SRGAP1: variants seen among roughly 807,000 people sequenced by gnomAD.
The protein encoded by SRGAP1 is SLIT-ROBO Rho GTPase activating protein 1, also known as SLIT-ROBO Rho GTPase-activating protein 1.
A neutral mutation model predicts 121.9 loss-of-function variants in SRGAP1; 43 were observed. The ratio of observed to expected loss-of-function variants is 0.35; its 90% CI spans 0.28 to 0.46. The LOEUF is 0.46. SRGAP1 is among the 20% of genes least tolerant of loss of function. The probability of loss-of-function intolerance (pLI) is 1.00; values close to 1 mark genes in which losing one functional copy is unlikely to be tolerated. For synonymous variants in SRGAP1, 447 were observed against 485.4 expected, an observed-to-expected ratio of 0.92 and a Z score of 1.04; for missense variants, 1,102 against 1,350.9, an observed-to-expected ratio of 0.82 and a Z score of 2.89.
At chr12:63,989,676 G>A (rs1442316320) in intron 2 of SRGAP1, among the ~76,000 whole-genome samples, 3 of 152,222 alleles carry the variant, frequency 2.0e-5, no homozygotes, top group Non-Finnish European at 4.4e-5. Flanking sequence ...TTTCACCAGT[G>A]TTCATGGTCC....
rs1365845033 is a variant in SRGAP1 at position 64,160,772 on chromosome 12, A to C, written c.*18100A>C. On this transcript the variant is annotated 3_prime_UTR_variant, in exon 22 of 22. Coordinates refer to ENST00000355086, the MANE Select transcript of SRGAP1 (RefSeq NM_020762.4). ...GGAAAGTGTAAGAATGAGGTGGCAG[A>C]AAGAGGTAGAAACAGCATGAAAAGG... The C allele has an allele frequency of 6.6e-6, 1 of 152,210 alleles. No homozygotes were observed. Among genetic ancestry groups the C allele is most frequent in the Non-Finnish European group, 1.5e-5 (1 of 68,054 alleles). The allele number at this position is 152,210 out of a possible 1,614,324, so 9.4% of individuals were successfully genotyped here.
chr12:64,006,558 G>C (rs2034088765), intron 3 of SRGAP1, among the ~76,000 whole-genome samples: 1 of 152,204 alleles, frequency 6.6e-6, no homozygotes, highest in Non-Finnish European at 1.5e-5. Context: ...GAGTTTTAAA[G>C]CAGATATATG....
intron 1 of SRGAP1, among the ~76,000 whole-genome samples, chr12:63,944,318 AT>A (rs2031967922): frequency 6.6e-6 from 1 of 152,166 alleles, no homozygotes; most frequent in Non-Finnish European, 1.5e-5. Context: ...AGAAATTTAT[AT>A]CTCACCGTTC....
At chr12:63,916,002 G>A (rs1323067699) in intron 1 of SRGAP1, among the ~76,000 whole-genome samples, 1 of 150,388 alleles carries the variant, frequency 6.6e-6, no homozygotes, top group East Asian at 2.0e-4. Context: ...GAAGCAAAAT[G>A]CTCAGAAATG....
At chr12:63,894,472 T>TC (rs1216045791) in intron 1 of SRGAP1, among the ~76,000 whole-genome samples, 2 of 129,536 alleles carry the variant, frequency 1.5e-5, no homozygotes, top group African/African-American at 5.3e-5. Context: ...GCTCACTCTC[T>TC]TTTTTTTTTT....
intron 1 of SRGAP1, among the ~76,000 whole-genome samples, chr12:63,923,870 T>G (rs186358122): frequency 6.6e-6 from 1 of 152,346 alleles, no homozygotes; most frequent in Middle Eastern, 3.4e-3. Flanking sequence ...CAGCTGGGCA[T>G]GGTGGCTCAC....
chr12:64,087,709 C>T (rs1179531865), intron 11 of SRGAP1, among the ~76,000 whole-genome samples: 1 of 151,930 alleles, frequency 6.6e-6, no homozygotes, highest in African/African-American at 2.4e-5. Context: ...ACACTCCAGC[C>T]TGGGCAAGAG....
chr12:63,946,335 A>T (rs933791449), intron 1 of SRGAP1, among the ~76,000 whole-genome samples: 1 of 149,592 alleles, frequency 6.7e-6, no homozygotes, highest in Admixed American at 6.7e-5. Context: ...AATTGACCAT[A>T]AACTTCATAT....
At chr12:63,949,150 T>TATGTATTTTCCATATATATACATTCATAC (rs1418311531) in intron 1 of SRGAP1, among the ~76,000 whole-genome samples, 1 of 145,242 alleles carries the variant, frequency 6.9e-6, no homozygotes, top group Non-Finnish European at 1.5e-5. Context: ...TACATTCATA[T>TATGTATTTTCCATATATATACATTCATAC]ATGTATTTTC....
intron 3 of SRGAP1, among the ~76,000 whole-genome samples, chr12:64,003,019 T>G (rs2033949396): frequency 8.0e-6 from 1 of 124,652 alleles, no homozygotes; most frequent in African/African-American, 3.2e-5. Context: ...GGTGTGTATG[T>G]GAGTGAGAGA....
In SRGAP1 at chr12:64,037,627, G is replaced by A. The variant is rs1301064473; in HGVS notation, c.490-5163G>A. Among the ~76,000 whole-genome samples, 4 of 152,216 alleles carry A rather than the reference G, an allele frequency of 2.6e-5. No individual in the cohort carries two copies. The East Asian group carries it at 7.7e-4, about 29-fold the overall frequency. ...TGTTACCCAACCATCTACTTTCCAA[G>A]TTCTTCCCTGGACCCCTTCTCTGCC... On this transcript the variant is annotated intron_variant, in intron 4 of 21. Transcript: ENST00000355086.
rs2037085642 is a variant in SRGAP1, at chr12:64,148,551, C to CT, written c.*5880dup. 1 of 152,000 alleles carries CT rather than the reference C, an allele frequency of 6.6e-6. No individual in the cohort carries two copies. Among genetic ancestry groups the CT allele is most frequent in the Non-Finnish European group, 1.5e-5 (1 of 68,022 alleles). The allele number at this position is 152,000 out of a possible 1,614,324, so 9.4% of individuals were successfully genotyped here. A position where few individuals can be genotyped will look rare whatever the true frequency, so the allele number is the denominator to read the frequency against. On this transcript the variant is annotated 3_prime_UTR_variant, in exon 22 of 22. Coordinates refer to ENST00000355086, the MANE Select transcript of SRGAP1 (RefSeq NM_020762.4). Reference sequence around the variant, plus strand: ...TCTACCTGCCTCAGCCTCCCAAGTGCTGGGATTACAGGTGTGAGCCATTGC... The same window carrying CT: ...TCTACCTGCCTCAGCCTCCCAAGTGCTTGGGATTACAGGTGTGAGCCATTGC...
intron 18 of SRGAP1, among the ~76,000 whole-genome samples, chr12:64,124,410 G>A (rs1296310941): frequency 1.3e-5 from 2 of 152,202 alleles, no homozygotes; most frequent in Non-Finnish European, 2.9e-5. Context: ...TCTCTTCTGT[G>A]TACACGTATT....
chr12:63,965,070 C>T (rs1306423141), intron 1 of SRGAP1, among the ~76,000 whole-genome samples: 1 of 152,126 alleles, frequency 6.6e-6, no homozygotes, highest in Non-Finnish European at 1.5e-5. Context: ...CTTTTTGAAT[C>T]TTAGTTTTCA....
At chr12:63,853,592 G>A (rs1377068914) in intron 1 of SRGAP1, among the ~76,000 whole-genome samples, 1 of 152,208 alleles carries the variant, frequency 6.6e-6, no homozygotes, top group Non-Finnish European at 1.5e-5. Context: ...CATAACCAGA[G>A]CTAACAGTAT....
intron 4 of SRGAP1, among the ~76,000 whole-genome samples, chr12:64,026,637 C>A (rs965623174): frequency 6.6e-6 from 1 of 152,110 alleles, no homozygotes; most frequent in Non-Finnish European, 1.5e-5. Flanking sequence ...GAGGCCGAGG[C>A]AGGCAGATCA....
intron 1 of SRGAP1, among the ~76,000 whole-genome samples, chr12:63,960,397 CTCT>C (rs1459701357): frequency 2.0e-5 from 3 of 152,048 alleles, no homozygotes; most frequent in African/African-American, 7.2e-5. Flanking sequence ...TTCTTCTCTA[CTCT>C]TTCCTTCCAA....
At position 63,991,609 on chromosome 12, in the gene SRGAP1, G is replaced by A. The variant is rs150977013; in HGVS notation, c.426+1537G>A. 3.0e-3 allele frequency among the ~76,000 whole-genome samples: 459 copies of A among 152,250 alleles called. 2 individuals are homozygous for A. The highest frequency in any genetic ancestry group is 5.1e-3 in the Non-Finnish European group (346 of 68,024). On this transcript the variant is annotated intron_variant, in intron 3 of 21. Coordinates refer to ENST00000355086, the MANE Select transcript of SRGAP1 (RefSeq NM_020762.4). Reference sequence around the variant, plus strand: ...AGTGCAATAATTTTCTTGTATATGAGCTCTTTATGCAGAGATCTCGTTTGG... The same window carrying A: ...AGTGCAATAATTTTCTTGTATATGAACTCTTTATGCAGAGATCTCGTTTGG...
chr12:64,003,078 G>A (rs12824313), intron 3 of SRGAP1, among the ~76,000 whole-genome samples: 2 of 140,334 alleles, frequency 1.4e-5, no homozygotes, highest in African/African-American at 5.3e-5. Flanking sequence ...GAGGGAGGGA[G>A]GAAGGGAGGG....
Sources: gnomAD v4.1 joint callset for allele counts (sites outside exome capture counted in the v4.1 genomes callset) on GRCh38, gnomAD v4.1.1 for gene constraint, MANE v1.5 for transcripts, NCBI Gene and HGNC (gene_info 2026-07-23, HGNC 2026-07-21) for gene names.